Variants in DPYD observed in about 807,000 individuals in gnomAD.
DPYD encodes dihydropyrimidine dehydrogenase [NADP(+)].
In DPYD, 109 loss-of-function variants were observed where a neutral mutation model predicts 116.2. That is an observed-to-expected ratio of 0.94 (90% CI 0.80 to 1.10). The LOEUF is 1.10. Among genes scored for constraint, DPYD ranks in the 50% least tolerant of loss-of-function variants. The pLI is 0.00. For missense variants in DPYD, 1,302 were observed against 1,254.5 expected (o/e 1.04, Z -0.57); for synonymous variants, 440 against 432.0 (o/e 1.02, Z -0.23).
At chr1:97,362,533 C>T (rs560779519) in intron 16 of DPYD, among the ~76,000 whole-genome samples, 236 of 152,264 alleles carry the variant, frequency 1.5e-3, no homozygotes, top group African/African-American at 5.5e-3. Context: ...GGAGGCATCA[C>T]ACTACCTGAC....
At chr1:97,291,022 C>T (rs1009606562) in intron 18 of DPYD, among the ~76,000 whole-genome samples, 3 of 152,052 alleles carry the variant, frequency 2.0e-5, no homozygotes, top group African/African-American at 4.8e-5. Flanking sequence ...AAAAAGTGGG[C>T]GAAGGACATG....
At chr1:97,774,981 G>A (rs1666321424) in intron 3 of DPYD, 2 of 322,484 alleles carry the variant, frequency 6.2e-6, no homozygotes, top group Non-Finnish European at 6.6e-6. Flanking sequence ...CTGGAGTAGG[G>A]ACAAAAAAAA....
At chr1:97,452,798 T>C (rs921001041) in intron 13 of DPYD, among the ~76,000 whole-genome samples, 41 of 152,202 alleles carry the variant, frequency 2.7e-4, no homozygotes, top group African/African-American at 8.4e-4. Context: ...TCTGCCTTGA[T>C]TGGAAGCTTT....
chr1:97,622,422 A>G (rs1332746123), intron 8 of DPYD, among the ~76,000 whole-genome samples: 3 of 151,986 alleles, frequency 2.0e-5, no homozygotes, highest in Non-Finnish European at 4.4e-5. Context: ...CACAGCTGTC[A>G]AGGTCATCAA....
At chr1:97,724,298 GGGGGGGGGGGTGT>G (rs1663091748) in intron 4 of DPYD, among the ~76,000 whole-genome samples, 2 of 18,694 alleles carry the variant, frequency 1.1e-4, no homozygotes, top group African/African-American at 3.6e-4. Context: ...GTATGTGGGG[GGGGGGGGGGGTGT>G]GTGTGTGTGT....
intron 19 of DPYD, among the ~76,000 whole-genome samples, chr1:97,226,416 C>G (rs1057407983): frequency 4.6e-5 from 7 of 152,012 alleles, no homozygotes; most frequent in African/African-American, 1.7e-4. Context: ...GAAATAAAAG[C>G]ACCCAAATCA....
chr1:97,190,910 A>T (rs12036730), intron 20 of DPYD, among the ~76,000 whole-genome samples: 18,409 of 152,130 alleles, frequency 0.12, 1,405 homozygotes, highest in East Asian at 0.39. Context: ...TTTCCTGTGT[A>T]AAGAAGCCAG....
At chr1:97,172,176 T>G (rs1656769414) in intron 20 of DPYD, among the ~76,000 whole-genome samples, 2 of 152,196 alleles carry the variant, frequency 1.3e-5, no homozygotes, top group African/African-American at 4.8e-5. Context: ...GTTATCTTTC[T>G]TCGTAGGCTC....
At chr1:97,576,948 TAAGA>T (rs910063852) in intron 10 of DPYD, among the ~76,000 whole-genome samples, 4 of 152,176 alleles carry the variant, frequency 2.6e-5, no homozygotes, top group East Asian at 1.9e-4. Flanking sequence ...CCATTTTACA[TAAGA>T]AAGGGAAAAT....
intron 1 of DPYD, among the ~76,000 whole-genome samples, chr1:97,910,852 T>TA (rs1231982354): frequency 6.6e-6 from 1 of 152,130 alleles, no homozygotes; most frequent in African/African-American, 2.4e-5. Flanking sequence ...CATGATACAT[T>TA]AGCATCTAGT....
At chr1:97,778,706 T>C (rs1388893412) in intron 3 of DPYD, among the ~76,000 whole-genome samples, 2 of 152,174 alleles carry the variant, frequency 1.3e-5, no homozygotes, top group Non-Finnish European at 2.9e-5. Context: ...TATCAATATA[T>C]ATAGGCATAG....
chr1:97,350,066 G>A (rs1336300346), intron 16 of DPYD, among the ~76,000 whole-genome samples: 7 of 152,066 alleles, frequency 4.6e-5, no homozygotes, highest in Non-Finnish European at 7.4e-5. Context: ...TTCAGTGAGA[G>A]AAACCAGTCT....
chr1:97,477,863 A>G (rs961074301), intron 13 of DPYD, among the ~76,000 whole-genome samples: 5 of 151,610 alleles, frequency 3.3e-5, no homozygotes, highest in African/African-American at 7.3e-5. Context: ...CTCGTGATCC[A>G]CCCGCCTCGG....
intron 1 of DPYD, among the ~76,000 whole-genome samples, chr1:97,901,459 C>G (rs938248682): frequency 2.6e-5 from 4 of 151,702 alleles, no homozygotes; most frequent in African/African-American, 9.7e-5. Context: ...TATAGTGTTA[C>G]TTCAAATGAA....
chr1:97,175,880 G>A (rs12035468), intron 20 of DPYD, among the ~76,000 whole-genome samples: 21,867 of 152,138 alleles, frequency 0.14, 1,740 homozygotes, highest in East Asian at 0.29. Context: ...CTGTCCTTTC[G>A]TGTTGCATCT....
chr1:97,446,073 C>T (rs1425016748), intron 14 of DPYD, among the ~76,000 whole-genome samples: 1 of 152,082 alleles, frequency 6.6e-6, no homozygotes, highest in African/African-American at 2.4e-5. Context: ...ACCATAGTGG[C>T]ACTATTGATA....
At position 97,431,317 on chromosome 1, in the gene DPYD, C is replaced by T. The variant is rs549404835; in HGVS notation, c.1905+18742G>A. 3.3e-5 allele frequency among the ~76,000 whole-genome samples: 5 copies of T among 152,138 alleles called. No homozygotes were observed. The South Asian group carries it at 1.0e-3, about 32-fold the overall frequency. On this transcript the variant is annotated intron_variant, in intron 14 of 22. Coordinates refer to ENST00000370192, the MANE Select transcript of DPYD (RefSeq NM_000110.4). ...TACAGAAATGAATATTATTGAGGCA[C>T]TAAAACCTAGCAATGTGATTGAGAA...
chr1:97,275,731 C>G (rs1664890054), intron 18 of DPYD, among the ~76,000 whole-genome samples: 1 of 152,086 alleles, frequency 6.6e-6, no homozygotes, highest in Non-Finnish European at 1.5e-5. Flanking sequence ...AGCCTAAAAC[C>G]TTGAAGATTA....
intron 13 of DPYD, among the ~76,000 whole-genome samples, chr1:97,492,284 C>T (rs1018911538): frequency 6.6e-6 from 1 of 152,084 alleles, no homozygotes; most frequent in Admixed American, 6.6e-5. Context: ...GAGAAACATG[C>T]TGCGAATAGC....
Sources: gnomAD v4.1 joint callset for allele counts (sites outside exome capture counted in the v4.1 genomes callset) on GRCh38, gnomAD v4.1.1 for gene constraint, MANE v1.5 for transcripts, NCBI Gene and HGNC (gene_info 2026-07-23, HGNC 2026-07-21) for gene names.